The following XRN1 variants were observed in gnomAD, a reference collection of about 807,000 sequenced individuals.
XRN1 encodes strand-exchange protein 1 homolog.
In XRN1, 67 loss-of-function variants were observed where a neutral mutation model predicts 222.3. That is an observed-to-expected ratio of 0.30 (90% CI 0.25 to 0.37). The LOEUF is 0.37. Among genes scored for constraint, XRN1 ranks in the 10% least tolerant of loss-of-function variants. The pLI is 1.00. For missense variants in XRN1, 1,707 were observed against 2,000.2 expected, an observed-to-expected ratio of 0.85 and a Z score of 2.80; for synonymous variants, 643 against 652.4, an observed-to-expected ratio of 0.99 and a Z score of 0.22.
chr3:142,421,298 A>G (rs140924846), intron 9 of XRN1, 145 bp from the exon 10 acceptor site: 1 of 974,674 alleles, frequency 1.0e-6, no homozygotes, highest in East Asian at 2.8e-5. Flanking sequence ...CTCATGTGTT[A>G]CTCTAAAAAT....
In XRN1 at chr3:142,432,850, A is replaced by G; in HGVS notation, c.119T>C (p.Ile40Thr). The change falls in exon 2 of 41, where the codon ATA becomes ACA. Residue 40 changes from isoleucine (I) to threonine (T), a missense_variant. Ile to Thr is a moderately conservative substitution (Grantham distance 89). Around this residue, in one of 2 missense-constraint regions of XRN1, gnomAD observed 1,234 missense variants for 1,518.2 expected, o/e 0.81. Transcript: ENST00000392981. ...DNLYLDMNGI[I>T]HQCSHPNDDD... ...ATCATTAGGATGGGAGCACTGATGT[A>G]TAATTCCATTCATATCCAGGTACAA... 3 of 1,613,734 alleles carry G rather than the reference A, an allele frequency of 1.9e-6. No homozygotes were observed. Among genetic ancestry groups the G allele is most frequent in the Non-Finnish European group, 2.5e-6 (3 of 1,179,864 alleles).
At chr3:142,335,378 T>C in intron 34 of XRN1, 70 bp downstream of exon 34, 1 of 1,420,088 alleles carries the variant, frequency 7.0e-7, no homozygotes. Context: ...AGAAATTCAG[T>C]CCAATGCTAC....
intron 39 of XRN1, 107 bp downstream of exon 39, chr3:142,318,485 A>G: frequency 9.3e-7 from 1 of 1,073,750 alleles, no homozygotes; most frequent in East Asian, 2.6e-5. Context: ...CTTTCTCACA[A>G]TTTCTTCTTA....
intron 18 of XRN1, 103 bp downstream of exon 18, chr3:142,403,571 T>C: frequency 9.6e-7 from 1 of 1,040,548 alleles, no homozygotes. Context: ...GGCTCCAAAT[T>C]TCTAGAGTTA....
chr3:142,399,634 C>T (rs2068052984), intron 19 of XRN1, among the ~76,000 whole-genome samples: 1 of 151,772 alleles, frequency 6.6e-6, no homozygotes, highest in African/African-American at 2.4e-5. Context: ...AAAAAATCCT[C>T]AAGATTTCAT....
chr3:142,396,631 T>C (rs180710194), intron 20 of XRN1, among the ~76,000 whole-genome samples: 14 of 152,346 alleles, frequency 9.2e-5, no homozygotes, highest in Non-Finnish European at 1.8e-4. Context: ...ATAAGGATAT[T>C]GTGGCCTGGT....
At chr3:142,439,146 T>C (rs1005269719) in intron 1 of XRN1, among the ~76,000 whole-genome samples, 1 of 152,190 alleles carries the variant, frequency 6.6e-6, no homozygotes, top group Admixed American at 6.5e-5. Context: ...GATGGCTATA[T>C]TGACGTTTTA....
At chr3:142,442,018 T>C (rs180828359) in intron 1 of XRN1, among the ~76,000 whole-genome samples, 1 of 152,334 alleles carries the variant, frequency 6.6e-6, no homozygotes, top group Admixed American at 6.5e-5. Flanking sequence ...TCAGTGATAA[T>C]GGAATACTTG....
At chr3:142,381,979 C>T (rs1049596719) in intron 22 of XRN1, among the ~76,000 whole-genome samples, 7 of 152,122 alleles carry the variant, frequency 4.6e-5, no homozygotes, top group Non-Finnish European at 8.8e-5. Flanking sequence ...GATGCTTCCA[C>T]ATAATTAGGT....
At chr3:142,384,447 A>G (rs1364641125) in intron 21 of XRN1, 76 bp downstream of exon 21, 5 of 1,178,744 alleles carry the variant, frequency 4.2e-6, no homozygotes, top group East Asian at 2.6e-5. Flanking sequence ...TTATATTAAC[A>G]TATCTTTTCA....
In XRN1 at chr3:142,311,459, A is replaced by C. The variant is rs1484686558; in HGVS notation, c.*52T>G. Reference sequence around the variant, plus strand: ...TTTTATGAGACATAGATATGTATTTATAAAAAGGTAGATGGAAAGAGAAGA... The same window carrying C: ...TTTTATGAGACATAGATATGTATTTCTAAAAAGGTAGATGGAAAGAGAAGA... On this transcript the variant is annotated 3_prime_UTR_variant, in exon 41 of 41. Transcript: ENST00000392981. The C allele has an allele frequency of 3.5e-6, 5 of 1,448,722 alleles. No homozygotes were observed. The African/African-American group carries it at 7.1e-5, about 21-fold the overall frequency. The allele number at this position is 1,448,722 out of a possible 1,614,324, so 89.7% of individuals were successfully genotyped here.
intron 15 of XRN1, among the ~76,000 whole-genome samples, chr3:142,409,743 G>A (rs953762668): frequency 1.3e-5 from 2 of 152,146 alleles, no homozygotes; most frequent in Non-Finnish European, 2.9e-5. Flanking sequence ...AATTGAGGAG[G>A]ACGTACACCT....
At chr3:142,441,788 G>T (rs1392652382) in intron 1 of XRN1, among the ~76,000 whole-genome samples, 1 of 152,194 alleles carries the variant, frequency 6.6e-6, no homozygotes, top group East Asian at 1.9e-4. Flanking sequence ...TCCAGACAAT[G>T]AAGAAAAGAT....
At chr3:142,324,865 CAT>C (rs1322904222) in intron 37 of XRN1, among the ~76,000 whole-genome samples, 3 of 152,012 alleles carry the variant, frequency 2.0e-5, no homozygotes. Flanking sequence ...AGCATTTTTT[CAT>C]ATGTCTGTTG....
At chr3:142,347,103 CA>C (rs1175955778) in intron 33 of XRN1, 130 bp downstream of exon 33, 1 of 687,582 alleles carries the variant, frequency 1.5e-6, no homozygotes, top group Non-Finnish European at 2.3e-6. Flanking sequence ...TGTGAAAATA[CA>C]AAAAACCACT....
At chr3:142,414,381 TATAAAA>T in intron 13 of XRN1, 90 bp from the exon 14 acceptor site, 2 of 1,020,206 alleles carry the variant, frequency 2.0e-6, no homozygotes, top group Non-Finnish European at 2.6e-6. Context: ...TTTAACAACA[TATAAAA>T]ATAATTTTAA....
intron 20 of XRN1, among the ~76,000 whole-genome samples, chr3:142,391,839 G>A (rs1191163634): frequency 1.3e-5 from 2 of 149,566 alleles, no homozygotes; most frequent in Non-Finnish European, 3.0e-5. Context: ...AATATATGGT[G>A]CATAATCTGA....
rs1577313108 is a variant in XRN1, at chr3:142,371,156, A to G, written c.3068+83T>C. The G allele has an allele frequency of 2.9e-5, 32 of 1,107,620 alleles. No individual in the cohort carries two copies. The East Asian group carries it at 7.5e-4, about 26-fold the overall frequency. 68.6% of individuals were successfully genotyped at this position (1,107,620 alleles called of 1,614,324 possible). On this transcript the variant is annotated intron_variant, in intron 26 of 40. Transcript: ENST00000392981. ...AAAAAAAAAAAAAAAAAGTAATATG[A>G]AATTCTTGAGAAACCAGCTGCAGTT...
At chr3:142,357,191 T>C in intron 30 of XRN1, 72 bp from the exon 31 acceptor site, 1 of 1,436,064 alleles carries the variant, frequency 7.0e-7, no homozygotes, top group Non-Finnish European at 9.6e-7. Flanking sequence ...AGTCAAATAA[T>C]TTTTGGTGGA....
Sources: allele counts gnomAD v4.1 joint callset (sites outside exome capture counted in the v4.1 genomes callset), GRCh38; gene constraint gnomAD v4.1.1; regional missense constraint gnomAD v4.1.1; transcripts MANE v1.5; gene names NCBI Gene and HGNC (gene_info 2026-07-23, HGNC 2026-07-21).